The following YWHAE variants were observed in gnomAD, a reference collection of about 807,000 sequenced individuals.
YWHAE encodes the protein 14-3-3 protein epsilon.
Under a neutral mutation model 30.1 loss-of-function variants are expected in YWHAE, and 4 were observed. That is an observed-to-expected ratio of 0.13 (90% CI 0.07 to 0.30). YWHAE has a LOEUF of 0.30. Ranked by LOEUF, YWHAE falls within the 10% of genes least tolerant of loss-of-function variation. The pLI is 1.00. For missense variants in YWHAE, 121 were observed against 315.9 expected, an observed-to-expected ratio of 0.38 and a Z score of 4.68; for synonymous variants, 118 against 111.8, an observed-to-expected ratio of 1.06 and a Z score of -0.35.
At chr17:1,394,861 G>A (rs2073444864) in intron 1 of YWHAE, among the ~76,000 whole-genome samples, 2 of 151,960 alleles carry the variant, frequency 1.3e-5, no homozygotes, top group Admixed American at 6.6e-5. Context: ...CAGCTACTCG[G>A]GAAGCAGAGG....
intron 4 of YWHAE, among the ~76,000 whole-genome samples, chr17:1,358,797 T>C (rs1369756369): frequency 5.2e-5 from 7 of 133,666 alleles, no homozygotes; most frequent in African/African-American, 2.1e-4. Flanking sequence ...ACCACTGTAC[T>C]CCAGCCTGGC....
At chr17:1,359,936 G>A (rs61554917) in intron 4 of YWHAE, among the ~76,000 whole-genome samples, 26,276 of 47,566 alleles carry the variant, frequency 0.55, 6,805 homozygotes, top group Admixed American at 0.67. Flanking sequence ...AGGGGGGGAG[G>A]AGGGGGAGGG....
At chr17:1,349,210 G>A (rs2072577591) in intron 5 of YWHAE, among the ~76,000 whole-genome samples, 1 of 151,758 alleles carries the variant, frequency 6.6e-6, no homozygotes. Context: ...GCGTGGTGGT[G>A]GGCACCTGTA....
At chr17:1,388,127 T>G (rs1419297469) in intron 1 of YWHAE, among the ~76,000 whole-genome samples, 4 of 99,092 alleles carry the variant, frequency 4.0e-5, no homozygotes, top group Admixed American at 3.4e-4. Context: ...GGTTTTTTTT[T>G]TTTTTTTTTT....
At chr17:1,398,319 T>C (rs1332444869) in intron 1 of YWHAE, among the ~76,000 whole-genome samples, 2 of 110,330 alleles carry the variant, frequency 1.8e-5, no homozygotes, top group African/African-American at 8.3e-5. Flanking sequence ...CCTTGAGCTG[T>C]ACTTCCCCAT....
intron 1 of YWHAE, among the ~76,000 whole-genome samples, chr17:1,384,673 C>T (rs2073273207): frequency 6.6e-6 from 1 of 151,946 alleles, no homozygotes; most frequent in East Asian, 2.0e-4. Context: ...ATGATCCATC[C>T]GCTTCAGCCT....
chr17:1,347,343 A>T (rs1231049427), intron 5 of YWHAE, among the ~76,000 whole-genome samples: 2 of 151,554 alleles, frequency 1.3e-5, no homozygotes, highest in African/African-American at 4.8e-5. Context: ...AAAAAAAAAA[A>T]AACTACATAC....
chr17:1,354,576 T>TAA (rs2072696102), intron 4 of YWHAE, among the ~76,000 whole-genome samples: 1 of 152,192 alleles, frequency 6.6e-6, no homozygotes, highest in Non-Finnish European at 1.5e-5. Context: ...TATCGACTAA[T>TAA]AAAATACATA....
chr17:1,394,444 A>AAAAAAAAAC (rs2073434363), intron 1 of YWHAE, among the ~76,000 whole-genome samples: 1 of 139,656 alleles, frequency 7.2e-6, no homozygotes, highest in African/African-American at 2.9e-5. Context: ...CACAAAAAAA[A>AAAAAAAAAC]AAAAAAAAAA....
intron 2 of YWHAE, chr17:1,364,636 T>A (rs2072916525): frequency 1.7e-6 from 1 of 578,796 alleles, no homozygotes; most frequent in African/African-American, 1.9e-5. Context: ...GATGAAACCA[T>A]GGAAAATACC....
At chr17:1,395,302 C>G (rs1313052246) in intron 1 of YWHAE, among the ~76,000 whole-genome samples, 1 of 151,978 alleles carries the variant, frequency 6.6e-6, no homozygotes, top group East Asian at 1.9e-4. Flanking sequence ...CTGAGGTGGG[C>G]AGATCACCTG....
chr17:1,381,616 C>CATAA (rs1166774519), intron 1 of YWHAE, among the ~76,000 whole-genome samples: 4 of 151,878 alleles, frequency 2.6e-5, no homozygotes, highest in Non-Finnish European at 4.4e-5. Context: ...CAAAACGTAA[C>CATAA]ATAAATGCAC....
At chr17:1,348,887 A>T (rs9747824) in intron 5 of YWHAE, among the ~76,000 whole-genome samples, 15,912 of 151,308 alleles carry the variant, frequency 0.11, 991 homozygotes, top group Non-Finnish European at 0.14. Context: ...TTAGCCGGGC[A>T]TGGTGGCGGG....
At chr17:1,354,450 A>G in intron 4 of YWHAE, 103 bp from the exon 5 acceptor site, 1 of 1,165,582 alleles carries the variant, frequency 8.6e-7, no homozygotes, top group South Asian at 1.5e-5. Context: ...CCAGTTTGTA[A>G]TAGTCACAAT....
At chr17:1,353,455 AG>A (rs1567956648) in intron 5 of YWHAE, among the ~76,000 whole-genome samples, 6 of 147,704 alleles carry the variant, frequency 4.1e-5, no homozygotes, top group South Asian at 2.1e-4. Context: ...AAAAAAGAAA[AG>A]AAAAGAAAAG....
intron 1 of YWHAE, among the ~76,000 whole-genome samples, chr17:1,377,934 A>G (rs967706891): frequency 4.6e-5 from 7 of 152,110 alleles, no homozygotes; most frequent in African/African-American, 1.4e-4. Flanking sequence ...CTGTAATCCC[A>G]GCTACTCGGG....
chr17:1,382,296 C>G (rs1204994033), intron 1 of YWHAE, among the ~76,000 whole-genome samples: 1 of 150,792 alleles, frequency 6.6e-6, no homozygotes, highest in Admixed American at 6.6e-5. Context: ...GATCTGCCCG[C>G]CTCGGCCTCC....
In YWHAE at chr17:1,370,342, A is replaced by G. The variant is rs539133827; in HGVS notation, c.65-5284T>C. 5.3e-3 allele frequency among the ~76,000 whole-genome samples: 804 copies of G among 151,842 alleles called. 5 individuals are homozygous for G. The highest frequency in any genetic ancestry group is 0.017 in the African/African-American group (692 of 41,412). On this transcript the variant is annotated intron_variant, in intron 1 of 5. Coordinates refer to ENST00000264335, the MANE Select transcript of YWHAE (RefSeq NM_006761.5). ...GAGGCGGGGTTTCACCATGTTAGCC[A>G]GGACGGTCTCGATCTCCTGACCTTG...
At chr17:1,370,119 CTTTTTTTTTTTTTT>C (rs538497835) in intron 1 of YWHAE, among the ~76,000 whole-genome samples, 3 of 76,318 alleles carry the variant, frequency 3.9e-5, no homozygotes, top group East Asian at 1.0e-3. Context: ...CACAGAAAAA[CTTTTTTTTTTTTTT>C]TTTTTTTTTT....
Sources: allele counts gnomAD v4.1 joint callset (sites outside exome capture counted in the v4.1 genomes callset), GRCh38; gene constraint gnomAD v4.1.1; transcripts MANE v1.5; gene names NCBI Gene and HGNC (gene_info 2026-07-23, HGNC 2026-07-21).